NKAIN2: variants seen among roughly 807,000 people sequenced by gnomAD.
NKAIN2 encodes sodium/potassium-transporting ATPase subunit beta-1-interacting protein 2.
A neutral mutation model predicts 32.6 loss-of-function variants in NKAIN2; 14 were observed. The ratio of observed to expected loss-of-function variants is 0.43; its 90% CI spans 0.28 to 0.67. NKAIN2 has a LOEUF of 0.67. NKAIN2 is among the 30% of genes least tolerant of loss of function. The pLI is 0.17. For synonymous variants in NKAIN2, 80 were observed against 87.2 expected, an observed-to-expected ratio of 0.92 and a Z score of 0.46; for missense variants, 198 against 258.3, an observed-to-expected ratio of 0.77 and a Z score of 1.60.
chr6:124,662,115 G>A (rs1022586634), intron 4 of NKAIN2, among the ~76,000 whole-genome samples: 39 of 152,246 alleles, frequency 2.6e-4, no homozygotes, highest in Admixed American at 1.2e-3. Flanking sequence ...ATGGATTCCC[G>A]GAGTGTAAAA....
chr6:124,262,771 A>C (rs1049407081), intron 1 of NKAIN2, among the ~76,000 whole-genome samples: 2 of 152,164 alleles, frequency 1.3e-5, no homozygotes, highest in South Asian at 4.1e-4. Flanking sequence ...GGAAAAGACC[A>C]AAAACTGGAA....
intron 1 of NKAIN2, among the ~76,000 whole-genome samples, chr6:123,910,497 A>ATTTT (rs1775116027): frequency 4.1e-5 from 4 of 97,802 alleles, no homozygotes; most frequent in African/African-American, 1.7e-4. Context: ...CCTGCAATGC[A>ATTTT]TGTTTTTTTT....
chr6:123,888,658 G>T (rs766223304), intron 1 of NKAIN2, among the ~76,000 whole-genome samples: 3 of 151,618 alleles, frequency 2.0e-5, no homozygotes, highest in South Asian at 2.1e-4. Flanking sequence ...TCCTTTGTTC[G>T]CATTTTTTTA....
intron 3 of NKAIN2, among the ~76,000 whole-genome samples, chr6:124,607,047 G>A (rs1562281196): frequency 6.6e-6 from 1 of 152,090 alleles, no homozygotes; most frequent in East Asian, 1.9e-4. Flanking sequence ...TTAGTTTGTT[G>A]GACATGGAGT....
At chr6:124,525,680 T>A (rs908267724) in intron 3 of NKAIN2, among the ~76,000 whole-genome samples, 2 of 123,866 alleles carry the variant, frequency 1.6e-5, no homozygotes, top group South Asian at 6.3e-4. Context: ...AGTTATAGAA[T>A]GAATATAATT....
intron 4 of NKAIN2, among the ~76,000 whole-genome samples, chr6:124,787,014 G>C (rs569553481): frequency 2.0e-5 from 3 of 152,118 alleles, no homozygotes; most frequent in African/African-American, 7.2e-5. Flanking sequence ...CCACTTGGAA[G>C]ATGTACTCTC....
Position 124,157,585 on chromosome 6 carries a change from C to G in NKAIN2, c.55-125420C>G, listed in dbSNP as rs530689652. 7.9e-5 allele frequency among the ~76,000 whole-genome samples: 12 copies of G among 152,304 alleles called. No homozygotes were observed. In the South Asian group the frequency reaches 1.9e-3, roughly 24 times the overall value. On this transcript the variant is annotated intron_variant, in intron 1 of 6. Coordinates refer to ENST00000368417, the MANE Select transcript of NKAIN2 (RefSeq NM_001040214.3). Reference sequence around the variant, plus strand: ...TGTGAAGGGCCAAGGATCACTGACACATGATTGCATATGTTGTCAACTGTT... The same window carrying G: ...TGTGAAGGGCCAAGGATCACTGACAGATGATTGCATATGTTGTCAACTGTT...
intron 1 of NKAIN2, among the ~76,000 whole-genome samples, chr6:124,163,987 C>T (rs1788403364): frequency 6.6e-6 from 1 of 151,916 alleles, no homozygotes; most frequent in Non-Finnish European, 1.5e-5. Flanking sequence ...AGTCCTTAGT[C>T]TTATTTCCTT....
chr6:123,908,194 A>C (rs938624656), intron 1 of NKAIN2, among the ~76,000 whole-genome samples: 8 of 152,136 alleles, frequency 5.3e-5, no homozygotes, highest in African/African-American at 1.9e-4. Flanking sequence ...AATATCTTGC[A>C]AGAGATCTCT....
intron 1 of NKAIN2, among the ~76,000 whole-genome samples, chr6:124,205,434 C>G (rs1790822179): frequency 6.6e-6 from 1 of 151,660 alleles, no homozygotes; most frequent in African/African-American, 2.4e-5. Flanking sequence ...TACCTGTCTT[C>G]CTCATGCATT....
intron 1 of NKAIN2, among the ~76,000 whole-genome samples, chr6:124,045,417 C>A (rs983521801): frequency 6.6e-6 from 1 of 151,766 alleles, no homozygotes; most frequent in Non-Finnish European, 1.5e-5. Context: ...TTATATAGTG[C>A]GATAGAAAGA....
chr6:124,017,608 G>A (rs1398598551), intron 1 of NKAIN2, among the ~76,000 whole-genome samples: 1 of 152,056 alleles, frequency 6.6e-6, no homozygotes, highest in Non-Finnish European at 1.5e-5. Flanking sequence ...CCAAAATGAA[G>A]GGGGTATAGG....
chr6:124,079,726 G>A (rs1373457707), intron 1 of NKAIN2, among the ~76,000 whole-genome samples: 2 of 152,100 alleles, frequency 1.3e-5, no homozygotes, highest in East Asian at 1.9e-4. Context: ...CACAGGCTGT[G>A]TCAGTTTAAA....
At chr6:124,194,941 G>A (rs1484059716) in intron 1 of NKAIN2, among the ~76,000 whole-genome samples, 4 of 149,944 alleles carry the variant, frequency 2.7e-5, no homozygotes, top group African/African-American at 7.3e-5. Context: ...GGACATCCTT[G>A]GTACCAGCTT....
intron 1 of NKAIN2, among the ~76,000 whole-genome samples, chr6:124,007,181 T>C (rs1407694979): frequency 6.6e-6 from 1 of 152,202 alleles, no homozygotes; most frequent in African/African-American, 2.4e-5. Flanking sequence ...TAAGTATTTG[T>C]GTATCTAAAC....
intron 4 of NKAIN2, among the ~76,000 whole-genome samples, chr6:124,677,294 T>C (rs972904443): frequency 6.6e-6 from 1 of 152,170 alleles, no homozygotes; most frequent in African/African-American, 2.4e-5. Context: ...ATTCATTCAG[T>C]CATTTCCCAT....
At chr6:124,822,073 C>G (rs1318341786) in intron 6 of NKAIN2, among the ~76,000 whole-genome samples, 1 of 152,190 alleles carries the variant, frequency 6.6e-6, no homozygotes, top group African/African-American at 2.4e-5. Context: ...CATTTCCATA[C>G]ATGGCTGTGC....
intron 1 of NKAIN2, among the ~76,000 whole-genome samples, chr6:123,926,564 C>T (rs1341872505): frequency 6.6e-6 from 1 of 152,162 alleles, no homozygotes; most frequent in Non-Finnish European, 1.5e-5. Flanking sequence ...TTCCAGATTC[C>T]TGCTGCAGCG....
chr6:124,047,322 T>TG (rs1206376212), intron 1 of NKAIN2, among the ~76,000 whole-genome samples: 1 of 152,024 alleles, frequency 6.6e-6, no homozygotes, highest in Non-Finnish European at 1.5e-5. Flanking sequence ...AATCTGCAAA[T>TG]CTCATGTATT....
Sources: allele counts gnomAD v4.1 joint callset (sites outside exome capture counted in the v4.1 genomes callset), GRCh38; gene constraint gnomAD v4.1.1; transcripts MANE v1.5; gene names NCBI Gene and HGNC (gene_info 2026-07-23, HGNC 2026-07-21).